PCDH7: variants seen among roughly 807,000 people sequenced by gnomAD.
PCDH7 encodes protocadherin 7, also known as protocadherin-7.
Under a neutral mutation model 58.9 loss-of-function variants are expected in PCDH7, and 17 were observed. That is an observed-to-expected ratio of 0.29 (90% CI 0.20 to 0.43). The LOEUF is 0.43. Among genes scored for constraint, PCDH7 ranks in the 20% least tolerant of loss-of-function variants. The pLI is 1.00. For missense variants in PCDH7, 1,274 were observed against 1,441.0 expected (o/e 0.88, Z 1.88); for synonymous variants, 664 against 616.4 (o/e 1.08, Z -1.14).
chr4:30,797,199 G>C (rs897802888), intron 1 of PCDH7, among the ~76,000 whole-genome samples: 2 of 151,424 alleles, frequency 1.3e-5, no homozygotes, highest in African/African-American at 4.9e-5. Context: ...GCCTCCCAAA[G>C]TGCTGGGATT....
chr4:30,948,920 A>C (rs1280337088), intron 2 of PCDH7, among the ~76,000 whole-genome samples: 4 of 152,170 alleles, frequency 2.6e-5, no homozygotes, highest in Non-Finnish European at 5.9e-5. Context: ...GATTAAGGCT[A>C]AACGAAAAGA....
At chr4:30,741,014 A>T (rs1717000258) in intron 1 of PCDH7, among the ~76,000 whole-genome samples, 1 of 152,074 alleles carries the variant, frequency 6.6e-6, no homozygotes, top group African/African-American at 2.4e-5. Context: ...TGTGTTCTTC[A>T]TGTGTGGATG....
chr4:30,837,257 A>G (rs1730597625), intron 1 of PCDH7, among the ~76,000 whole-genome samples: 1 of 152,118 alleles, frequency 6.6e-6, no homozygotes, highest in African/African-American at 2.4e-5. Context: ...GGCCACCTGC[A>G]GTGTGTGGTA....
At chr4:30,747,990 A>G (rs1033097214) in intron 1 of PCDH7, among the ~76,000 whole-genome samples, 1 of 152,184 alleles carries the variant, frequency 6.6e-6, no homozygotes, top group Admixed American at 6.5e-5. Context: ...AGAATAATTT[A>G]TTAGTGTTTT....
At chr4:30,874,495 A>G (rs1048663709) in intron 1 of PCDH7, among the ~76,000 whole-genome samples, 3 of 150,054 alleles carry the variant, frequency 2.0e-5, no homozygotes, top group African/African-American at 2.5e-5. Flanking sequence ...AACAATGAGA[A>G]CACATGGACA....
intron 3 of PCDH7, among the ~76,000 whole-genome samples, chr4:31,110,966 T>C (rs978137666): frequency 3.3e-5 from 5 of 151,130 alleles, no homozygotes; most frequent in African/African-American, 1.2e-4. Context: ...CATGTAAAAG[T>C]CAAGTTTAAA....
chr4:30,977,953 G>A (rs1750220222), intron 3 of PCDH7, among the ~76,000 whole-genome samples: 1 of 152,122 alleles, frequency 6.6e-6, no homozygotes, highest in South Asian at 2.1e-4. Flanking sequence ...AGAGATGCAT[G>A]CTCCTTAGCT....
chr4:30,994,850 A>T (rs61792934), intron 3 of PCDH7, among the ~76,000 whole-genome samples: 34,534 of 152,110 alleles, frequency 0.23, 4,152 homozygotes, highest in African/African-American at 0.3. Context: ...ATATCTCTAT[A>T]TAAAATCTGG....
At chr4:30,987,161 T>C (rs1751046374) in intron 3 of PCDH7, among the ~76,000 whole-genome samples, 1 of 152,116 alleles carries the variant, frequency 6.6e-6, no homozygotes, top group Non-Finnish European at 1.5e-5. Flanking sequence ...ATTATTCTTC[T>C]ACACTACTCC....
At chr4:31,066,562 C>G (rs16884306) in intron 3 of PCDH7, among the ~76,000 whole-genome samples, 1,979 of 151,940 alleles carry the variant, frequency 0.013, 25 homozygotes, top group South Asian at 0.036. Flanking sequence ...CAAACTTACC[C>G]GTCTCTCAGA....
intron 1 of PCDH7, among the ~76,000 whole-genome samples, chr4:30,908,280 A>C (rs576674091): frequency 6.6e-6 from 1 of 152,006 alleles, no homozygotes; most frequent in Non-Finnish European, 1.5e-5. Flanking sequence ...AGAAAAAAGA[A>C]ATGGGCTTCC....
At chr4:30,969,356 CT>C (rs1046024364) in intron 3 of PCDH7, among the ~76,000 whole-genome samples, 30 of 147,338 alleles carry the variant, frequency 2.0e-4, no homozygotes, top group South Asian at 4.3e-4. Flanking sequence ...GATTTTGTCT[CT>C]TTTTTTTTTT....
chr4:30,869,981 T>C (rs997397968), intron 1 of PCDH7, among the ~76,000 whole-genome samples: 1 of 152,186 alleles, frequency 6.6e-6, no homozygotes, highest in Non-Finnish European at 1.5e-5. Flanking sequence ...CCATTCTAAC[T>C]GGTGTGAGAT....
At chr4:30,875,664 C>T (rs1342517317) in intron 1 of PCDH7, among the ~76,000 whole-genome samples, 1 of 152,110 alleles carries the variant, frequency 6.6e-6, no homozygotes, top group Non-Finnish European at 1.5e-5. Flanking sequence ...CAGCCCTGGA[C>T]TCACTTGGGT....
At chr4:30,796,438 G>C (rs1724782798) in intron 1 of PCDH7, among the ~76,000 whole-genome samples, 1 of 152,132 alleles carries the variant, frequency 6.6e-6, no homozygotes, top group Non-Finnish European at 1.5e-5. Context: ...AAAAAAGCAA[G>C]AGTTCTCTCT....
chr4:31,078,540 C>T (rs757174959), intron 3 of PCDH7, among the ~76,000 whole-genome samples: 11 of 143,908 alleles, frequency 7.6e-5, no homozygotes, highest in Non-Finnish European at 1.7e-4. Context: ...CCAGGCTGGT[C>T]TTGAACTCTG....
chr4:30,988,266 C>T (rs1380218226), intron 3 of PCDH7, among the ~76,000 whole-genome samples: 1 of 152,056 alleles, frequency 6.6e-6, no homozygotes, highest in African/African-American at 2.4e-5. Flanking sequence ...TGTTTCTGCC[C>T]ACAAGTGTAT....
At chr4:30,811,325 A>G (rs2109313749) in intron 1 of PCDH7, among the ~76,000 whole-genome samples, 1 of 152,358 alleles carries the variant, frequency 6.6e-6, no homozygotes, top group South Asian at 2.1e-4. Flanking sequence ...TATAAAAGTA[A>G]ATAAGGCCTT....
intron 3 of PCDH7, among the ~76,000 whole-genome samples, chr4:31,034,893 A>C (rs1432206065): frequency 6.6e-6 from 1 of 152,234 alleles, no homozygotes; most frequent in Non-Finnish European, 1.5e-5. Context: ...TCACTCTTTC[A>C]AATGGTAATT....
Sources: allele counts gnomAD v4.1 joint callset (sites outside exome capture counted in the v4.1 genomes callset), GRCh38; gene constraint gnomAD v4.1.1; transcripts MANE v1.5; gene names NCBI Gene and HGNC (gene_info 2026-07-23, HGNC 2026-07-21).